The following HYAL4 variants were observed in gnomAD, a reference collection of about 807,000 sequenced individuals.
The protein encoded by HYAL4 is hyaluronidase-4.
Under a neutral mutation model 35.2 loss-of-function variants are expected in HYAL4, and 37 were observed. The observed-to-expected ratio is 1.05, with a 90% CI of 0.81 to 1.38. HYAL4 has a LOEUF of 1.38. Ranked by LOEUF, HYAL4 falls within the 40% of genes most tolerant of loss-of-function variation. HYAL4 has a pLI of 0.00. For missense variants in HYAL4, 572 were observed against 572.4 expected, an observed-to-expected ratio of 1.00 and a Z score of 0.01; for synonymous variants, 198 against 203.2, an observed-to-expected ratio of 0.97 and a Z score of 0.22.
chr7:123,826,373 C>T (rs1469104635), upstream of HYAL4, among the ~76,000 whole-genome samples: 1 of 152,056 alleles, frequency 6.6e-6, no homozygotes, highest in Non-Finnish European at 1.5e-5. Flanking sequence ...CCACTCAGTA[C>T]CCCATCAGCT....
At chr7:123,774,265 C>T in the HYAL4 span, among the ~76,000 whole-genome samples, 1 of 152,138 alleles carries the variant, frequency 6.6e-6, no homozygotes, top group South Asian at 2.1e-4. Context: ...TCTTAAACTC[C>T]TGGCTTCAAG....
chr7:123,864,126 A>C (rs1392231114), intron 2 of HYAL4, among the ~76,000 whole-genome samples: 1 of 152,182 alleles, frequency 6.6e-6, no homozygotes, highest in Non-Finnish European at 1.5e-5. Flanking sequence ...GAAGATTAGA[A>C]CTATGAAACC....
the HYAL4 span, among the ~76,000 whole-genome samples, chr7:123,819,819 A>C: frequency 6.6e-6 from 1 of 152,178 alleles, no homozygotes; most frequent in Non-Finnish European, 1.5e-5. Flanking sequence ...AAAAGTAATA[A>C]ATTTTAAAAA....
At chr7:123,847,778 A>AAAT (rs1000886829) in intron 1 of HYAL4, among the ~76,000 whole-genome samples, 28 of 151,954 alleles carry the variant, frequency 1.8e-4, no homozygotes, top group African/African-American at 6.3e-4. Context: ...ACTCCGTCTA[A>AAAT]AATAATAATA....
chr7:123,868,231 G>C lies in HYAL4; in HGVS notation c.-43G>C. On this transcript the variant is annotated 5_prime_UTR_variant, in exon 3 of 5. Coordinates refer to ENST00000223026, the MANE Select transcript of HYAL4 (RefSeq NM_012269.3). ...ATTAAATCTCTCCACAGGTCTTCTAGAGTGCACTAAAGCAGAAGATAACGT... is the reference window on the plus strand; with the variant it reads ...ATTAAATCTCTCCACAGGTCTTCTACAGTGCACTAAAGCAGAAGATAACGT... The C allele has an allele frequency of 9.1e-7, 1 of 1,097,904 alleles. No individual in the cohort carries two copies. The highest frequency in any genetic ancestry group is 1.3e-6 in the Non-Finnish European group (1 of 775,910). The allele number at this position is 1,097,904 out of a possible 1,614,324, so 68.0% of individuals were successfully genotyped here.
chr7:123,861,884 A>C (rs894326593), intron 2 of HYAL4, among the ~76,000 whole-genome samples: 1 of 152,176 alleles, frequency 6.6e-6, no homozygotes, highest in African/African-American at 2.4e-5. Flanking sequence ...TTAATGAAAT[A>C]CTGTTATAGA....
chr7:123,815,355 C>T, the HYAL4 span, among the ~76,000 whole-genome samples: 2 of 152,176 alleles, frequency 1.3e-5, no homozygotes, highest in Non-Finnish European at 2.9e-5. Flanking sequence ...TTAGAACTAA[C>T]TTCTTAATAT....
chr7:123,853,007 AG>A (rs569586966), intron 2 of HYAL4, among the ~76,000 whole-genome samples: 4 of 152,172 alleles, frequency 2.6e-5, no homozygotes, highest in Admixed American at 2.6e-4. Flanking sequence ...AATTGTGAAT[AG>A]GAGTTCATTC....
At chr7:123,778,523 G>C in the HYAL4 span, among the ~76,000 whole-genome samples, 5 of 151,058 alleles carry the variant, frequency 3.3e-5, no homozygotes, top group African/African-American at 1.2e-4. Context: ...TTTTAAGAGC[G>C]TGGGCCTCTT....
At chr7:123,768,323 A>G in the HYAL4 span, among the ~76,000 whole-genome samples, 2 of 152,214 alleles carry the variant, frequency 1.3e-5, no homozygotes, top group Non-Finnish European at 2.9e-5. Flanking sequence ...CACTTTATTT[A>G]CATGGGTTTG....
At chr7:123,854,717 T>A (rs1453198012) in intron 2 of HYAL4, among the ~76,000 whole-genome samples, 1 of 152,212 alleles carries the variant, frequency 6.6e-6, no homozygotes, top group Non-Finnish European at 1.5e-5. Flanking sequence ...GGTGGAGAGT[T>A]TTGTAGATGT....
chr7:123,804,021 G>C, the HYAL4 span, among the ~76,000 whole-genome samples: 63 of 152,204 alleles, frequency 4.1e-4, no homozygotes, highest in Non-Finnish European at 6.5e-4. Context: ...TAATATGTAG[G>C]TTATTTATAT....
rs1442983729 is a variant in HYAL4, at chr7:123,865,420, TA to T, written c.-51-2799del. Among the ~76,000 whole-genome samples, 3 of 152,312 alleles carry T rather than the reference TA, an allele frequency of 2.0e-5. No homozygotes were observed. In the East Asian group the frequency reaches 5.8e-4, roughly 29 times the overall value. On this transcript the variant is annotated intron_variant, in intron 2 of 4. Transcript: ENST00000223026. Reference sequence around the variant, plus strand: ...TGAGTACCACAATTTTTCTTACTCATAAAATTAGATTCCCTTGAAAATACTA... The same window carrying T: ...TGAGTACCACAATTTTTCTTACTCATAAATTAGATTCCCTTGAAAATACTA...
chr7:123,815,399 G>T, the HYAL4 span, among the ~76,000 whole-genome samples: 1 of 152,072 alleles, frequency 6.6e-6, no homozygotes, highest in Non-Finnish European at 1.5e-5. Context: ...AATCAAAAAC[G>T]TGCAACATAG....
intron 2 of HYAL4, among the ~76,000 whole-genome samples, chr7:123,853,786 A>C (rs1806367735): frequency 6.6e-6 from 1 of 152,270 alleles, no homozygotes; most frequent in Non-Finnish European, 1.5e-5. Context: ...GGTTTGGAAT[A>C]ATTTCTGAAG....
intron 2 of HYAL4, among the ~76,000 whole-genome samples, chr7:123,850,066 G>A (rs1333280433): frequency 6.6e-6 from 1 of 150,892 alleles, no homozygotes; most frequent in Non-Finnish European, 1.5e-5. Context: ...CTTCCAATAA[G>A]TGTGACACAT....
rs560722505 is a variant in HYAL4, at chr7:123,872,034, T to G, written c.955-2727T>G. ...TTTTCATTTTTATACATTTACAGGGTGCAAGTGCAGTTTTGTTACATGGAC... is the reference window on the plus strand; with the variant it reads ...TTTTCATTTTTATACATTTACAGGGGGCAAGTGCAGTTTTGTTACATGGAC... On this transcript the variant is annotated intron_variant, in intron 3 of 4. Transcript: ENST00000223026. Among the ~76,000 whole-genome samples, 3 of 152,294 alleles carry G rather than the reference T, an allele frequency of 2.0e-5. No individual in the cohort carries two copies. The South Asian group carries it at 6.2e-4, about 32-fold the overall frequency.
At chr7:123,783,957 G>A in the HYAL4 span, among the ~76,000 whole-genome samples, 5 of 152,126 alleles carry the variant, frequency 3.3e-5, no homozygotes, top group African/African-American at 1.2e-4. Context: ...TAAAATAATT[G>A]TCATAAAATG....
the HYAL4 span, among the ~76,000 whole-genome samples, chr7:123,808,778 A>G: frequency 6.6e-6 from 1 of 152,118 alleles, no homozygotes; most frequent in Admixed American, 6.5e-5. Flanking sequence ...GTCCACAATC[A>G]AGGTCCCAAT....
Sources: gnomAD v4.1 joint callset for allele counts (sites outside exome capture counted in the v4.1 genomes callset) on GRCh38, gnomAD v4.1.1 for gene constraint, MANE v1.5 for transcripts, NCBI Gene and HGNC (gene_info 2026-07-23, HGNC 2026-07-21) for gene names.